RBFOX1: variants seen among roughly 807,000 people sequenced by gnomAD.
RBFOX1 encodes RNA binding fox-1 homolog 1.
A neutral mutation model predicts 57.7 loss-of-function variants in RBFOX1; 8 were observed. The observed-to-expected ratio is 0.14, with a 90% CI of 0.08 to 0.25. RBFOX1 has a LOEUF of 0.25. RBFOX1 is among the 10% of genes least tolerant of loss of function. RBFOX1 has a pLI of 1.00. For synonymous variants in RBFOX1, 326 were observed against 222.4 expected (o/e 1.47, Z -4.15); for missense variants, 611 against 548.5 (o/e 1.11, Z -1.14).
chr16:7,589,957 G>GT, intron 7 of RBFOX1, among the ~76,000 whole-genome samples: 1 of 148,236 alleles, frequency 6.7e-6, no homozygotes, highest in East Asian at 2.0e-4. Context: ...GTGTGTATGC[G>GT]GACATATAAA....
intron 1 of RBFOX1, among the ~76,000 whole-genome samples, chr16:6,247,008 T>G (rs1449887994): frequency 6.6e-6 from 1 of 152,148 alleles, no homozygotes; most frequent in Non-Finnish European, 1.5e-5. Flanking sequence ...AAGTAGAGGT[T>G]GTGGTGAGTC....
At chr16:6,279,253 G>A (rs2076138925) in intron 1 of RBFOX1, among the ~76,000 whole-genome samples, 1 of 152,130 alleles carries the variant, frequency 6.6e-6, no homozygotes, top group Non-Finnish European at 1.5e-5. Context: ...ATCAATTTCT[G>A]TATCTGGCAC....
At chr16:5,846,964 C>G (rs1719064092) in intron 3 of RBFOX1, among the ~76,000 whole-genome samples, 1 of 152,210 alleles carries the variant, frequency 6.6e-6, no homozygotes, top group Non-Finnish European at 1.5e-5. Flanking sequence ...CAGTGCTGCT[C>G]TGACAGATGG....
chr16:6,192,099 A>C (rs1414462891), intron 1 of RBFOX1, among the ~76,000 whole-genome samples: 1 of 152,128 alleles, frequency 6.6e-6, no homozygotes, highest in East Asian at 1.9e-4. Context: ...GCCTCCTGCT[A>C]CCTCCTGCTC....
intron 2 of RBFOX1, among the ~76,000 whole-genome samples, chr16:6,319,103 T>A (rs185947033): frequency 2.6e-5 from 4 of 152,204 alleles, no homozygotes; most frequent in African/African-American, 9.6e-5. Context: ...GTTGGATGCA[T>A]GCTGGTTGAG....
chr16:7,294,959 T>C (rs1243854943), intron 4 of RBFOX1, among the ~76,000 whole-genome samples: 1 of 152,228 alleles, frequency 6.6e-6, no homozygotes, highest in African/African-American at 2.4e-5. Flanking sequence ...TTTCTTCTTA[T>C]GTAAATTGGA....
At chr16:6,869,810 G>C (rs1430333864) in intron 3 of RBFOX1, among the ~76,000 whole-genome samples, 1 of 152,114 alleles carries the variant, frequency 6.6e-6, no homozygotes, top group African/African-American at 2.4e-5. Context: ...ATTCTGGTTG[G>C]TTTTGAAGAC....
chr16:7,441,291 G>T (rs2098764353), intron 4 of RBFOX1, among the ~76,000 whole-genome samples: 1 of 152,194 alleles, frequency 6.6e-6, no homozygotes, highest in Non-Finnish European at 1.5e-5. Context: ...CTTGGCAGTG[G>T]TGGAGCTGTT....
At chr16:7,373,465 G>A (rs974498388) in intron 4 of RBFOX1, among the ~76,000 whole-genome samples, 7 of 152,130 alleles carry the variant, frequency 4.6e-5, no homozygotes, top group Non-Finnish European at 7.4e-5. Flanking sequence ...ACTAAGTGAT[G>A]TCCGTTCTCT....
intron 2 of RBFOX1, among the ~76,000 whole-genome samples, chr16:6,438,311 A>T (rs929762507): frequency 6.6e-6 from 1 of 152,194 alleles, no homozygotes; most frequent in African/African-American, 2.4e-5. Flanking sequence ...TGTTGTTTCT[A>T]TGTTAAAGAT....
At chr16:5,300,268 T>C (rs1459062160) in intron 1 of RBFOX1, among the ~76,000 whole-genome samples, 1 of 152,222 alleles carries the variant, frequency 6.6e-6, no homozygotes, top group Non-Finnish European at 1.5e-5. Context: ...TTTTCTTGTA[T>C]GCACATATGC....
chr16:5,962,381 T>C (rs1038178312), intron 4 of RBFOX1, among the ~76,000 whole-genome samples: 7 of 152,226 alleles, frequency 4.6e-5, no homozygotes, highest in African/African-American at 1.7e-4. Context: ...TCCCTAGATA[T>C]GAAGCACTCA....
At chr16:6,507,154 T>G (rs2096121862) in intron 2 of RBFOX1, among the ~76,000 whole-genome samples, 1 of 152,088 alleles carries the variant, frequency 6.6e-6, no homozygotes, top group Non-Finnish European at 1.5e-5. Context: ...GTTCCTCACC[T>G]CCACTGCAGA....
At chr16:5,578,882 C>T (rs536663137) in intron 2 of RBFOX1, among the ~76,000 whole-genome samples, 18 of 129,634 alleles carry the variant, frequency 1.4e-4, no homozygotes, top group South Asian at 2.8e-4. Context: ...GAGTCTCACT[C>T]TGTCGCCCAG....
intron 3 of RBFOX1, among the ~76,000 whole-genome samples, chr16:6,832,072 C>A (rs768683119): frequency 6.6e-6 from 1 of 152,168 alleles, no homozygotes; most frequent in Non-Finnish European, 1.5e-5. Context: ...ATTAATCAAC[C>A]ATTTGTAGAC....
At chr16:5,589,462 A>G (rs753455162) in intron 2 of RBFOX1, among the ~76,000 whole-genome samples, 1 of 152,158 alleles carries the variant, frequency 6.6e-6, no homozygotes, top group Non-Finnish European at 1.5e-5. Flanking sequence ...TAACATTATT[A>G]TGTCCATCTT....
rs185602223 is a variant in RBFOX1, at chr16:7,524,346, A to T, written c.270+5957A>T. ...TACCAGGTCATCCTTTTAGTTCCCC[A>T]CAGGCTGAGATGAGTCCCTGCAGGC... is the stretch of plus-strand genomic sequence containing the variant. On this transcript the variant is annotated intron_variant, in intron 5 of 15. Transcript: ENST00000550418. Among the ~76,000 whole-genome samples the T allele has an allele frequency of 1.3e-3, 201 of 152,332 alleles. 1 individual carries two copies. Among genetic ancestry groups the T allele is most frequent in the South Asian group, 6.2e-3 (30 of 4,820 alleles).
rs1350578874 is a variant in RBFOX1 at position 5,471,869 on chromosome 16, AG to A, written c.258+4620del. On this transcript the variant is annotated intron_variant, in intron 2 of 2. Transcript: ENST00000585867. ...CAAGGAGAAGATTTATTATCCTTGA[AG>A]GGGGTGTGTTTTGGAAGCTGCCATG... Among the ~76,000 whole-genome samples the A allele has an allele frequency of 3.9e-5, 6 of 152,270 alleles. No homozygotes were observed. The South Asian group carries it at 8.3e-4, about 21-fold the overall frequency.
intron 2 of RBFOX1, among the ~76,000 whole-genome samples, chr16:6,562,897 T>TTG (rs2097202478): frequency 1.4e-5 from 2 of 145,064 alleles, no homozygotes; most frequent in Admixed American, 1.4e-4. Flanking sequence ...TTTTTTTTTT[T>TTG]TGCATAGTTG....
Sources: gnomAD v4.1 joint callset for allele counts (sites outside exome capture counted in the v4.1 genomes callset) on GRCh38, gnomAD v4.1.1 for gene constraint, MANE v1.5 for transcripts, NCBI Gene and HGNC (gene_info 2026-07-23, HGNC 2026-07-21) for gene names.